PTPRD: variants seen among roughly 807,000 people sequenced by gnomAD.
PTPRD encodes the protein receptor-type tyrosine-protein phosphatase delta.
PTPRD carries 34 observed loss-of-function variants against 214.5 expected under a neutral mutation model. The ratio of observed to expected loss-of-function variants is 0.16; its 90% CI spans 0.12 to 0.21. The LOEUF (loss-of-function observed/expected upper bound fraction) is 0.21, where lower values mean the gene tolerates loss of function less well. Ranked by LOEUF, PTPRD falls within the 10% of genes least tolerant of loss-of-function variation. The probability of loss-of-function intolerance (pLI) is 1.00; values close to 1 mark genes in which losing one functional copy is unlikely to be tolerated. For missense variants in PTPRD, 2,545 were observed against 2,398.7 expected (o/e 1.06, Z -1.27); for synonymous variants, 1,128 against 845.7 (o/e 1.33, Z -5.79).
At chr9:9,763,446 C>T (rs962334874) in intron 6 of PTPRD, among the ~76,000 whole-genome samples, 23 of 143,450 alleles carry the variant, frequency 1.6e-4, no homozygotes, top group African/African-American at 6.0e-4. Flanking sequence ...CACAATTTGT[C>T]CTGTTTTTAA....
Position 10,564,733 on chromosome 9 carries a change from C to A in PTPRD, c.-600+47665G>T, listed in dbSNP as rs35479218. 6.6e-4 allele frequency among the ~76,000 whole-genome samples: 101 copies of A among 152,148 alleles called. 2 individuals are homozygous for A. Among genetic ancestry groups the A allele is most frequent in the Non-Finnish European group, 5.9e-4 (40 of 68,024 alleles). On this transcript the variant is annotated intron_variant, in intron 2 of 45. Coordinates refer to ENST00000381196, the MANE Select transcript of PTPRD (RefSeq NM_002839.4). ...TTTTGCTGTTCTAGCCTTTCAAACTCTTATGACTAATTTACTGTATTAACT... is the reference window on the plus strand; with the variant it reads ...TTTTGCTGTTCTAGCCTTTCAAACTATTATGACTAATTTACTGTATTAACT...
chr9:8,833,680 ACTCT>A (rs1470358602), intron 11 of PTPRD, among the ~76,000 whole-genome samples: 1 of 129,934 alleles, frequency 7.7e-6, no homozygotes, highest in South Asian at 2.5e-4. Context: ...TTGAATGAAA[ACTCT>A]CTCCTCTCTC....
At chr9:8,685,056 G>A (rs1254516147) in intron 12 of PTPRD, among the ~76,000 whole-genome samples, 2 of 152,088 alleles carry the variant, frequency 1.3e-5, no homozygotes, top group African/African-American at 4.8e-5. Context: ...ATGCCCTTCT[G>A]TCCTGATATT....
chr9:8,837,301 C>G (rs139921703), intron 11 of PTPRD, among the ~76,000 whole-genome samples: 3 of 152,186 alleles, frequency 2.0e-5, no homozygotes, highest in African/African-American at 7.2e-5. Context: ...AGGCGTGAGC[C>G]ACTGCGCCTG....
chr9:10,486,224 T>G (rs933908458), intron 2 of PTPRD, among the ~76,000 whole-genome samples: 4 of 152,180 alleles, frequency 2.6e-5, no homozygotes, highest in Non-Finnish European at 5.9e-5. Flanking sequence ...TTGTTCCAAT[T>G]GTTTCTGGGA....
At chr9:8,596,984 A>G (rs901960721) in intron 14 of PTPRD, among the ~76,000 whole-genome samples, 1 of 152,120 alleles carries the variant, frequency 6.6e-6, no homozygotes, top group African/African-American at 2.4e-5. Flanking sequence ...CTGTTAACAG[A>G]AACAGCTTGC....
At chr9:10,557,340 CAG>C (rs1312466178) in intron 2 of PTPRD, among the ~76,000 whole-genome samples, 1 of 152,052 alleles carries the variant, frequency 6.6e-6, no homozygotes, top group African/African-American at 2.4e-5. Context: ...AAAAGATTAG[CAG>C]AGAGAGTGAA....
At chr9:9,400,729 T>A (rs2070033398) in intron 8 of PTPRD, among the ~76,000 whole-genome samples, 1 of 152,088 alleles carries the variant, frequency 6.6e-6, no homozygotes, top group Non-Finnish European at 1.5e-5. Context: ...GCTTTTGCTT[T>A]GACTCTAGTG....
chr9:8,390,436 C>A (rs1047158240), intron 36 of PTPRD, among the ~76,000 whole-genome samples: 5 of 152,082 alleles, frequency 3.3e-5, no homozygotes, highest in Admixed American at 2.6e-4. Flanking sequence ...ATAAAACACC[C>A]AGCCGCCATC....
At chr9:9,714,549 T>C (rs914862323) in intron 7 of PTPRD, among the ~76,000 whole-genome samples, 1 of 152,212 alleles carries the variant, frequency 6.6e-6, no homozygotes, top group African/African-American at 2.4e-5. Flanking sequence ...ATTCAGACTA[T>C]TAGCTAGGTT....
At chr9:10,561,007 T>C (rs906723845) in intron 2 of PTPRD, among the ~76,000 whole-genome samples, 91 of 152,272 alleles carry the variant, frequency 6.0e-4, no homozygotes, top group African/African-American at 2.2e-3. Context: ...AAAGTGTAAA[T>C]ATGAGTATTT....
At chr9:8,563,072 A>G (rs1014764796) in intron 14 of PTPRD, among the ~76,000 whole-genome samples, 2 of 152,206 alleles carry the variant, frequency 1.3e-5, no homozygotes, top group African/African-American at 4.8e-5. Context: ...TAAACTACTG[A>G]TATGTTGAAC....
At chr9:9,648,172 A>G (rs1269413158) in intron 7 of PTPRD, among the ~76,000 whole-genome samples, 1 of 152,052 alleles carries the variant, frequency 6.6e-6, no homozygotes, top group African/African-American at 2.4e-5. Context: ...CTCAGAAATC[A>G]TTTTATTTTC....
chr9:10,573,129 C>T (rs948532212), intron 2 of PTPRD, among the ~76,000 whole-genome samples: 7 of 152,116 alleles, frequency 4.6e-5, no homozygotes, highest in African/African-American at 1.7e-4. Context: ...ATACGTGATG[C>T]CTCCAACACC....
At chr9:9,286,351 C>G (rs750307459) in intron 9 of PTPRD, among the ~76,000 whole-genome samples, 10 of 151,812 alleles carry the variant, frequency 6.6e-5, no homozygotes, top group African/African-American at 2.4e-4. Flanking sequence ...AACAATACAG[C>G]AAAGACTAAA....
rs545702288 is a variant in PTPRD, at chr9:8,626,191, T to G, written c.352+7126A>C. Reference sequence around the variant, plus strand: ...TGAATTTTTAAAAACTGCTCAAATTTTATCAATGAAAGCCAACCAACTACC... The same window carrying G: ...TGAATTTTTAAAAACTGCTCAAATTGTATCAATGAAAGCCAACCAACTACC... On this transcript the variant is annotated intron_variant, in intron 14 of 45. Transcript: ENST00000381196. Among the ~76,000 whole-genome samples, 3 of 152,018 alleles carry G rather than the reference T, an allele frequency of 2.0e-5. No individual in the cohort carries two copies. In the South Asian group the frequency reaches 6.2e-4, roughly 31 times the overall value.
intron 3 of PTPRD, among the ~76,000 whole-genome samples, chr9:10,064,420 C>G (rs1404648673): frequency 6.6e-6 from 1 of 151,906 alleles, no homozygotes; most frequent in Non-Finnish European, 1.5e-5. Flanking sequence ...TCTATATAGG[C>G]TTCCTATTAT....
rs1226563888 is a variant in PTPRD at position 9,013,471 on chromosome 9, T to A, written c.-104+5226A>T. Among the ~76,000 whole-genome samples the A allele has an allele frequency of 2.0e-5, 3 of 152,314 alleles. 1 individual carries two copies. The East Asian group carries it at 5.8e-4, about 29-fold the overall frequency. On this transcript the variant is annotated intron_variant, in intron 11 of 45. Coordinates refer to ENST00000381196, the MANE Select transcript of PTPRD (RefSeq NM_002839.4). ...TTCTATGTTTGGTAACAGTCCATGT[T>A]TAACAAATAGTGTTTTTTTGTGTGT...
At chr9:8,335,206 C>A (rs535127417) in intron 43 of PTPRD, among the ~76,000 whole-genome samples, 27 of 151,270 alleles carry the variant, frequency 1.8e-4, no homozygotes, top group African/African-American at 6.3e-4. Flanking sequence ...AAAGAAAATT[C>A]CAGGCCAATA....
Sources: allele counts gnomAD v4.1 joint callset (sites outside exome capture counted in the v4.1 genomes callset), GRCh38; gene constraint gnomAD v4.1.1; transcripts MANE v1.5; gene names NCBI Gene and HGNC (gene_info 2026-07-23, HGNC 2026-07-21).